Variants in PSD3 observed in about 807,000 individuals in gnomAD.
The protein encoded by PSD3 is pleckstrin and Sec7 domain containing 3.
In PSD3, 49 loss-of-function variants were observed where a neutral mutation model predicts 105.5. That is an observed-to-expected ratio of 0.46 (90% CI 0.37 to 0.59). The LOEUF is 0.59. PSD3 is among the 20% of genes least tolerant of loss of function. The probability of loss-of-function intolerance (pLI) is 0.00; values close to 1 mark genes in which losing one functional copy is unlikely to be tolerated. For synonymous variants in PSD3, 557 were observed against 457.8 expected (o/e 1.22, Z -2.77); for missense variants, 1,561 against 1,263.8 (o/e 1.24, Z -3.57).
chr8:18,887,397 TGAG>T (rs1818511639), intron 2 of PSD3, among the ~76,000 whole-genome samples: 1 of 152,170 alleles, frequency 6.6e-6, no homozygotes, highest in Non-Finnish European at 1.5e-5. Context: ...AAATGTGACA[TGAG>T]AAGACTCAAA....
chr8:18,697,712 A>G (rs554554448), intron 9 of PSD3, among the ~76,000 whole-genome samples: 1 of 152,302 alleles, frequency 6.6e-6, no homozygotes, highest in African/African-American at 2.4e-5. Context: ...CTGGGCAAGT[A>G]TCTATCAATT....
intron 1 of PSD3, among the ~76,000 whole-genome samples, chr8:19,061,647 A>C (rs1828899332): frequency 6.6e-6 from 1 of 152,144 alleles, no homozygotes. Flanking sequence ...CTCTCTAAAA[A>C]TACAAAAATT....
intron 9 of PSD3, among the ~76,000 whole-genome samples, chr8:18,715,575 G>A (rs990639804): frequency 2.6e-5 from 4 of 152,094 alleles, no homozygotes; most frequent in Non-Finnish European, 4.4e-5. Flanking sequence ...TTTAGATTTT[G>A]TCTCTGGAGC....
chr8:18,737,734 C>G (rs1804260357), intron 9 of PSD3, among the ~76,000 whole-genome samples: 1 of 152,180 alleles, frequency 6.6e-6, no homozygotes, highest in Non-Finnish European at 1.5e-5. Context: ...AGGGTACAGA[C>G]TGTTCTCTGG....
intron 12 of PSD3, among the ~76,000 whole-genome samples, chr8:18,580,328 G>A (rs188496005): frequency 4.6e-5 from 7 of 152,218 alleles, no homozygotes; most frequent in African/African-American, 1.7e-4. Context: ...AGTCTGGGAG[G>A]CCTTGAATCC....
At chr8:18,792,601 C>T (rs145269686) in intron 8 of PSD3, among the ~76,000 whole-genome samples, 113 of 152,262 alleles carry the variant, frequency 7.4e-4, no homozygotes, top group Middle Eastern at 3.4e-3. Context: ...TCAGGAAGAA[C>T]AGCTAATGAA....
chr8:18,916,035 G>A lies in PSD3; in HGVS notation c.130+19999C>T, dbSNP rs542497873. Among the ~76,000 whole-genome samples the A allele has an allele frequency of 1.5e-4, 23 of 152,114 alleles. No homozygotes were observed. In the East Asian group the frequency reaches 4.5e-3, roughly 30 times the overall value. On this transcript the variant is annotated intron_variant, in intron 2 of 15. Coordinates refer to ENST00000327040, the MANE Select transcript of PSD3 (RefSeq NM_015310.4). ...CGCTTGAACCCAGGAGGCGGAGGTT[G>A]CAGTGAGCGGAGATCGTGCCATTGC...
chr8:19,076,140 C>G (rs1037531650), intron 1 of PSD3, among the ~76,000 whole-genome samples: 1 of 152,082 alleles, frequency 6.6e-6, no homozygotes, highest in Non-Finnish European at 1.5e-5. Flanking sequence ...GCAGAGTATG[C>G]TAAGAAAAAT....
At chr8:18,571,199 G>T (rs1299091288) in intron 14 of PSD3, among the ~76,000 whole-genome samples, 3 of 152,062 alleles carry the variant, frequency 2.0e-5, no homozygotes, top group Non-Finnish European at 4.4e-5. Flanking sequence ...AACCACAGCA[G>T]CATCCAAAAT....
intron 4 of PSD3, among the ~76,000 whole-genome samples, chr8:18,841,258 C>T (rs1814600304): frequency 6.6e-6 from 1 of 152,090 alleles, no homozygotes; most frequent in Admixed American, 6.6e-5. Flanking sequence ...TTCATGCATG[C>T]TCAGGCACTG....
intron 9 of PSD3, among the ~76,000 whole-genome samples, chr8:18,727,863 T>C (rs1803450582): frequency 1.3e-5 from 2 of 152,134 alleles, no homozygotes; most frequent in African/African-American, 2.4e-5. Context: ...CCCATCGAGT[T>C]GGCCTCCTCA....
intron 1 of PSD3, among the ~76,000 whole-genome samples, chr8:19,062,968 C>T (rs77893244): frequency 0.015 from 2,211 of 151,936 alleles, 71 homozygotes; most frequent in African/African-American, 0.051. Context: ...GTGAAGGTGC[C>T]GATAGGTATT....
intron 14 of PSD3, among the ~76,000 whole-genome samples, chr8:18,563,313 A>C (rs992365369): frequency 2.0e-4 from 30 of 152,246 alleles, no homozygotes; most frequent in Non-Finnish European, 3.2e-4. Context: ...GCTATACAGG[A>C]TCTTCGGTAA....
intron 4 of PSD3, among the ~76,000 whole-genome samples, chr8:18,866,248 C>T (rs1266790841): frequency 6.6e-6 from 1 of 152,220 alleles, no homozygotes; most frequent in Non-Finnish European, 1.5e-5. Context: ...CTGAGGAGCA[C>T]CGCCTCACGG....
intron 11 of PSD3, among the ~76,000 whole-genome samples, chr8:18,623,134 C>G (rs1341758467): frequency 6.6e-6 from 1 of 152,128 alleles, no homozygotes; most frequent in East Asian, 1.9e-4. Context: ...GTCCTCCTGC[C>G]TTGGCCTTCC....
chr8:18,528,733 G>A lies in PSD3; in HGVS notation c.*7010C>T, dbSNP rs1427716178. The A allele has an allele frequency of 2.0e-5, 3 of 152,626 alleles. No individual in the cohort carries two copies. The East Asian group carries it at 5.8e-4, about 29-fold the overall frequency. The allele number at this position is 152,626 out of a possible 1,614,324, so 9.5% of individuals were successfully genotyped here. A position where few individuals can be genotyped will look rare whatever the true frequency, so the allele number is the denominator to read the frequency against. ...TGGGACTCTTCTAGGAGCGCCTGAA[G>A]ACTTATTTATGGCGACCGATGGGAA... is the stretch of plus-strand genomic sequence containing the variant. On this transcript the variant is annotated 3_prime_UTR_variant, in exon 16 of 16. Transcript: ENST00000327040.
intron 9 of PSD3, among the ~76,000 whole-genome samples, chr8:18,707,810 G>A (rs1563187649): frequency 6.6e-6 from 1 of 152,196 alleles, no homozygotes; most frequent in Non-Finnish European, 1.5e-5. Flanking sequence ...TTTGGGATGG[G>A]AAGTAAGAGA....
rs1806255285 is a variant in PSD3, at chr8:18,623,382, C to G, written c.2410+9231G>C. On this transcript the variant is annotated intron_variant, in intron 11 of 15. Transcript: ENST00000327040. ...ATCCCAGCGCTCTGGGAAGCCAAGG[C>G]AGGAGGACTGCTTGAGGCCAAGAGT... Among the ~76,000 whole-genome samples, 12 of 132,354 alleles carry G rather than the reference C, an allele frequency of 9.1e-5. No homozygotes were observed. In the Admixed American group the frequency reaches 1.1e-3, roughly 13 times the overall value. The allele number at this position is 132,354 out of a possible 152,430, so 86.8% of individuals were successfully genotyped here.
chr8:18,928,431 T>G (rs942373940), intron 2 of PSD3, among the ~76,000 whole-genome samples: 1 of 152,216 alleles, frequency 6.6e-6, no homozygotes, highest in Non-Finnish European at 1.5e-5. Context: ...GTGTCTTTAT[T>G]AGCAGCGTGA....
Sources: gnomAD v4.1 joint callset for allele counts (sites outside exome capture counted in the v4.1 genomes callset) on GRCh38, gnomAD v4.1.1 for gene constraint, MANE v1.5 for transcripts, NCBI Gene and HGNC (gene_info 2026-07-23, HGNC 2026-07-21) for gene names.